SESN1: variants seen among roughly 807,000 people sequenced by gnomAD.
SESN1 encodes sestrin-1.
Under a neutral mutation model 59.3 loss-of-function variants are expected in SESN1, and 30 were observed. That is an observed-to-expected ratio of 0.51 (90% CI 0.38 to 0.69). The LOEUF is 0.69. Ranked by LOEUF, SESN1 falls within the 30% of genes least tolerant of loss-of-function variation. The pLI, the probability that SESN1 is intolerant of heterozygous loss-of-function variation, is 0.00. For synonymous variants in SESN1, 197 were observed against 219.9 expected (o/e 0.90, Z 0.92); for missense variants, 566 against 673.0 (o/e 0.84, Z 1.76).
chr6:109,009,686 G>GT (rs1464004978), intron 1 of SESN1: 1 of 432,156 alleles, frequency 2.3e-6, no homozygotes, highest in Non-Finnish European at 3.2e-6. Flanking sequence ...CGGCGCGGAG[G>GT]CTGGGAACTG....
intron 1 of SESN1, among the ~76,000 whole-genome samples, chr6:109,029,009 A>T (rs1007942118): frequency 1.3e-5 from 2 of 152,216 alleles, no homozygotes; most frequent in Non-Finnish European, 2.9e-5. Flanking sequence ...TTCACTTCAT[A>T]AGTATAAAAT....
At chr6:109,041,372 G>C (rs148885963) in intron 1 of SESN1, among the ~76,000 whole-genome samples, 1 of 152,108 alleles carries the variant, frequency 6.6e-6, no homozygotes, top group Non-Finnish European at 1.5e-5. Flanking sequence ...ATGACCTTTT[G>C]CTATTTCTCA....
rs760878307 is a variant in SESN1 at position 108,994,486 on chromosome 6, C to T, written c.1096G>A (p.Glu366Lys). Reference protein sequence around the residue: ...MASRFEIEKRESMFVFSSDDE... With the variant: ...MASRFEIEKRKSMFVFSSDDE... The stretch of plus-strand genomic sequence containing the variant: ...CCTGAAGAGAAGACAAACATACTCT[C>T]TCTTTTTTCTATTTCAAAACGTGAA... The change falls in exon 6 of 10, where the codon GAG becomes AAG. Residue 366 changes from glutamate (E) to lysine (K), a missense_variant. By Grantham distance (56) the Glu-to-Lys change is moderately conservative (BLOSUM62 1). Transcript: ENST00000436639. 1 of 1,612,928 alleles carries T rather than the reference C, an allele frequency of 6.2e-7. No homozygotes were observed. Among genetic ancestry groups the T allele is most frequent in the Non-Finnish European group, 8.5e-7 (1 of 1,179,396 alleles).
At chr6:109,062,494 TCA>T (rs772039408) in intron 1 of SESN1, among the ~76,000 whole-genome samples, 33 of 152,206 alleles carry the variant, frequency 2.2e-4, no homozygotes, top group Non-Finnish European at 3.5e-4. Flanking sequence ...ATCCCTTCTC[TCA>T]CAGTGTCCCA....
chr6:109,066,059 T>C (rs887290732), intron 1 of SESN1, among the ~76,000 whole-genome samples: 2 of 152,124 alleles, frequency 1.3e-5, no homozygotes, highest in African/African-American at 4.8e-5. Context: ...ATTAAACGAA[T>C]ACAATAGTTC....
intron 8 of SESN1, among the ~76,000 whole-genome samples, chr6:108,989,487 C>A (rs989367145): frequency 7.3e-6 from 1 of 137,760 alleles, no homozygotes; most frequent in Admixed American, 7.1e-5. Flanking sequence ...GTATATATAT[C>A]TCTAGATCTA....
chr6:109,062,309 C>T (rs1186635335), intron 1 of SESN1, among the ~76,000 whole-genome samples: 1 of 152,204 alleles, frequency 6.6e-6, no homozygotes, highest in African/African-American at 2.4e-5. Flanking sequence ...GAAAGCATGT[C>T]AAAGGCTTTT....
intron 1 of SESN1, among the ~76,000 whole-genome samples, chr6:109,020,640 G>C (rs1779996474): frequency 8.0e-6 from 1 of 125,678 alleles, no homozygotes; most frequent in African/African-American, 2.5e-5. Flanking sequence ...TCCTTGGAGA[G>C]AAGAAGGTTT....
chr6:109,059,974 C>T (rs935346357), intron 1 of SESN1, among the ~76,000 whole-genome samples: 1 of 152,148 alleles, frequency 6.6e-6, no homozygotes, highest in African/African-American at 2.4e-5. Context: ...CCCTTTGCTA[C>T]ACCATGGTAT....
intron 5 of SESN1, among the ~76,000 whole-genome samples, chr6:108,998,222 G>C (rs1256159812): frequency 1.3e-5 from 2 of 152,096 alleles, no homozygotes; most frequent in Non-Finnish European, 2.9e-5. Flanking sequence ...AATATTATTT[G>C]GTCCTGACGG....
intron 1 of SESN1, among the ~76,000 whole-genome samples, chr6:109,031,342 G>A (rs75942063): frequency 0.092 from 14,020 of 152,162 alleles, 869 homozygotes; most frequent in Middle Eastern, 0.19. Flanking sequence ...TGCATGAGAA[G>A]CTCAAGGCAA....
chr6:109,005,773 T>C (rs1015584249), intron 1 of SESN1, among the ~76,000 whole-genome samples: 8 of 152,186 alleles, frequency 5.3e-5, no homozygotes. Context: ...AAAATAATAA[T>C]ACCATCAATC....
intron 1 of SESN1, among the ~76,000 whole-genome samples, chr6:109,093,220 T>C (rs924985476): frequency 6.6e-6 from 1 of 152,202 alleles, no homozygotes; most frequent in African/African-American, 2.4e-5. Flanking sequence ...TTGAGCAATT[T>C]GCCATAAAAG....
intron 1 of SESN1, among the ~76,000 whole-genome samples, chr6:109,045,889 T>A (rs1436037370): frequency 1.3e-5 from 2 of 152,174 alleles, no homozygotes; most frequent in Non-Finnish European, 2.9e-5. Flanking sequence ...CTGAAATAAA[T>A]AAATGTGAGG....
intron 1 of SESN1, chr6:109,009,705 A>C (rs757864895): frequency 6.7e-5 from 22 of 326,070 alleles, no homozygotes; most frequent in Non-Finnish European, 9.6e-5. Context: ...TGGCGGTCTG[A>C]CGCGGCGAGG....
rs779590034 is a variant in SESN1, at chr6:108,998,770, A to G, written c.730-15T>C. The G allele has an allele frequency of 1.9e-6, 3 of 1,592,178 alleles. No individual in the cohort carries two copies. Among genetic ancestry groups the G allele is most frequent in the Non-Finnish European group, 2.6e-6 (3 of 1,168,122 alleles). ...TTTAAAAGTCCCTTAGGGGGAAAAA[A>G]AAAAAGAATATATTTTTGTACTGGG... On this transcript the variant is annotated splice_polypyrimidine_tract_variant and intron_variant, in intron 4 of 9. Coordinates refer to ENST00000436639, the MANE Select transcript of SESN1 (RefSeq NM_014454.3).
chr6:109,037,971 C>T (rs990904055), intron 1 of SESN1, among the ~76,000 whole-genome samples: 1 of 152,124 alleles, frequency 6.6e-6, no homozygotes, highest in Non-Finnish European at 1.5e-5. Context: ...ATAGAAAAAT[C>T]ATTAAGCAAT....
chr6:109,051,557 C>T (rs118036692), intron 1 of SESN1, among the ~76,000 whole-genome samples: 3,810 of 152,182 alleles, frequency 0.025, 64 homozygotes, highest in Middle Eastern at 0.068. Flanking sequence ...GTATGAAAAA[C>T]ACTTAAAAGC....
intron 1 of SESN1, among the ~76,000 whole-genome samples, chr6:109,055,414 G>A (rs1263774704): frequency 6.6e-6 from 1 of 151,954 alleles, no homozygotes; most frequent in East Asian, 1.9e-4. Flanking sequence ...TGTAATCCCA[G>A]CCCTTTGAGG....
Sources: gnomAD v4.1 joint callset for allele counts (sites outside exome capture counted in the v4.1 genomes callset) on GRCh38, gnomAD v4.1.1 for gene constraint, MANE v1.5 for transcripts, NCBI Gene and HGNC (gene_info 2026-07-23, HGNC 2026-07-21) for gene names.